Variants in NCAPD3 observed in about 807,000 individuals in gnomAD.
NCAPD3 encodes condensin-2 complex subunit D3.
Under a neutral mutation model 182.9 loss-of-function variants are expected in NCAPD3, and 105 were observed. The ratio of observed to expected loss-of-function variants is 0.57; its 90% CI spans 0.49 to 0.68. The LOEUF (loss-of-function observed/expected upper bound fraction) is 0.68. Ranked by LOEUF, NCAPD3 falls within the 30% of genes least tolerant of loss-of-function variation. The pLI is 0.00. For synonymous variants in NCAPD3, 815 were observed against 679.9 expected (o/e 1.20, Z -3.09); for missense variants, 1,944 against 1,837.0 (o/e 1.06, Z -1.07).
chr11:134,165,157 G>A (rs778922790), intron 27 of NCAPD3, among the ~76,000 whole-genome samples: 2 of 150,648 alleles, frequency 1.3e-5, no homozygotes, highest in Non-Finnish European at 3.0e-5. Flanking sequence ...TCACTTGTGA[G>A]ATGAGCTGAG....
intron 16 of NCAPD3, among the ~76,000 whole-genome samples, chr11:134,186,787 C>A (rs923541599): frequency 6.6e-6 from 1 of 152,024 alleles, no homozygotes; most frequent in Admixed American, 6.5e-5. Flanking sequence ...CATCTATATA[C>A]CATAATAAGC....
intron 4 of NCAPD3, among the ~76,000 whole-genome samples, chr11:134,209,940 C>T (rs1937767523): frequency 6.6e-6 from 1 of 152,138 alleles, no homozygotes; most frequent in Admixed American, 6.5e-5. Flanking sequence ...CCTGTAGCCC[C>T]AGCTACTCGG....
rs538085038 is a variant in NCAPD3 at position 134,176,245 on chromosome 11, A to C, written c.3101+62T>G. On this transcript the variant is annotated intron_variant, in intron 24 of 34. Transcript: ENST00000534548. ...CTAAACCAATCTGAAAAAAAAAGAA[A>C]TCCAGCATACATCAGAAATGAGGTA... 2.0e-6 allele frequency: 3 copies of C among 1,474,912 alleles called. No individual in the cohort carries two copies. In the African/African-American group the frequency reaches 4.2e-5, roughly 21 times the overall value. The allele number at this position is 1,474,912 out of a possible 1,614,324, so 91.4% of individuals were successfully genotyped here. A position where few individuals can be genotyped will look rare whatever the true frequency, so the allele number is the denominator to read the frequency against.
chr11:134,220,436 A>G, intron 2 of NCAPD3, 136 bp downstream of exon 2: 1 of 777,790 alleles, frequency 1.3e-6, no homozygotes, highest in Admixed American at 2.7e-5. Context: ...CAATAAATTA[A>G]CCACATTCTT....
chr11:134,153,058 G>C lies in NCAPD3; in HGVS notation c.4389-6C>G. The C allele has an allele frequency of 1.2e-6, 2 of 1,606,776 alleles. No individual in the cohort carries two copies. The highest frequency in any genetic ancestry group is 8.5e-7 in the Non-Finnish European group (1 of 1,174,568). ...ACTGCTGAGGCTGTGGGGGCCTAGG[G>C]AAAGGACATGTGCAGTCATTCTGGA... On this transcript the variant is annotated splice_polypyrimidine_tract_variant and splice_region_variant and intron_variant, in intron 34 of 34. Transcript: ENST00000534548.
At position 134,203,161 on chromosome 11, in the gene NCAPD3, G is replaced by T. The variant is rs772650940; in HGVS notation, c.1506C>A (p.Thr502=). Residue 502 remains threonine (T), a synonymous_variant, in exon 12 of 35, where the codon ACC becomes ACA. Coordinates refer to ENST00000534548, the MANE Select transcript of NCAPD3 (RefSeq NM_015261.3). ...TFSVIESHPG[T]LLRNSSAFSY... Reference sequence around the variant, plus strand: ...CATTACCTGATGAATTTCTCAGTAAGGTACCAGGGTGACTCTCTATTACAG... The same window carrying T: ...CATTACCTGATGAATTTCTCAGTAATGTACCAGGGTGACTCTCTATTACAG... 1 of 1,596,426 alleles carries T rather than the reference G, an allele frequency of 6.3e-7. No individual in the cohort carries two copies. Among genetic ancestry groups the T allele is most frequent in the South Asian group, 1.1e-5 (1 of 90,376 alleles).
intron 13 of NCAPD3, among the ~76,000 whole-genome samples, chr11:134,199,788 G>C (rs1944710456): frequency 6.6e-6 from 1 of 152,202 alleles, no homozygotes; most frequent in Non-Finnish European, 1.5e-5. Flanking sequence ...TCCCGAGGAA[G>C]AACTCATGAG....
chr11:134,213,230 A>G (rs1012167554), intron 3 of NCAPD3, among the ~76,000 whole-genome samples: 2 of 152,156 alleles, frequency 1.3e-5, no homozygotes, highest in African/African-American at 4.8e-5. Context: ...AGTTCCAGCT[A>G]TTCTGGAGGC....
At chr11:134,213,051 G>T (rs748568121) in intron 3 of NCAPD3, among the ~76,000 whole-genome samples, 3 of 152,182 alleles carry the variant, frequency 2.0e-5, no homozygotes, top group Non-Finnish European at 4.4e-5. Context: ...AAATGGGCTG[G>T]GTGTGAGGGC....
At chr11:134,213,638 A>G (rs1937920309) in intron 3 of NCAPD3, among the ~76,000 whole-genome samples, 1 of 151,884 alleles carries the variant, frequency 6.6e-6, no homozygotes, top group Admixed American at 6.6e-5. Flanking sequence ...TAAAAAAAAA[A>G]AAAAGAAAAA....
chr11:134,182,066 A>C (rs1179958701), intron 19 of NCAPD3, among the ~76,000 whole-genome samples: 1 of 152,194 alleles, frequency 6.6e-6, no homozygotes, highest in Non-Finnish European at 1.5e-5. Flanking sequence ...AAATTTTAAT[A>C]GATTGCACAA....
At position 134,178,867 on chromosome 11, in the gene NCAPD3, G is replaced by A. The variant is rs144174471; in HGVS notation, c.2629C>T (p.Leu877Phe). 7 of 1,614,026 alleles carry A rather than the reference G, an allele frequency of 4.3e-6. No homozygotes were observed. In the African/African-American group the frequency reaches 6.7e-5, roughly 15 times the overall value. The change falls in exon 21 of 35, where the codon CTT becomes TTT. Residue 877 changes from leucine to phenylalanine, a missense_variant. By Grantham distance (22) the Leu-to-Phe change is conservative (BLOSUM62 0). Around this residue, in one of 3 missense-constraint regions of NCAPD3, gnomAD observed 1,803 missense variants for 1,674.6 expected, o/e 1.08. Coordinates refer to ENST00000534548, the MANE Select transcript of NCAPD3 (RefSeq NM_015261.3). ...CPARVEKRIF[L>F]LIQSVLASSA... ...GAAGCCAGGACGGACTGAATCAGAA[G>A]GAAGATGCGCTTCTCCACCCTGGCT...
chr11:134,192,859 G>GACC lies in NCAPD3; in HGVS notation c.1872_1874dup (p.Val625dup). ...TGCTCTCGCAGTCCATCACCACCGGGACCACCCCCCGCAACCAGGCTTTCT... is the reference window on the plus strand; with the variant it reads ...TGCTCTCGCAGTCCATCACCACCGGGACCACCACCCCCCGCAACCAGGCTTTCT... On this transcript the variant is annotated inframe_insertion, in exon 16 of 35. Coordinates refer to ENST00000534548, the MANE Select transcript of NCAPD3 (RefSeq NM_015261.3). 2 of 1,614,002 alleles carry GACC rather than the reference G, an allele frequency of 1.2e-6. No individual in the cohort carries two copies. The highest frequency in any genetic ancestry group is 1.7e-6 in the Non-Finnish European group (2 of 1,179,920).
chr11:134,167,889 ACT>A (rs1943902077), intron 27 of NCAPD3, 105 bp downstream of exon 27: 3 of 1,030,578 alleles, frequency 2.9e-6, no homozygotes, highest in African/African-American at 3.3e-5. Context: ...GGAGGTGCAC[ACT>A]CACTTGTGAG....
chr11:134,167,466 ACT>A (rs1335108925), intron 27 of NCAPD3, among the ~76,000 whole-genome samples: 7 of 120,968 alleles, frequency 5.8e-5, no homozygotes, highest in African/African-American at 2.2e-4. Flanking sequence ...GGAGGCGCAC[ACT>A]CACTTGTGAG....
intron 20 of NCAPD3, among the ~76,000 whole-genome samples, chr11:134,180,673 G>C (rs1343342893): frequency 1.3e-5 from 2 of 152,158 alleles, no homozygotes; most frequent in Non-Finnish European, 2.9e-5. Flanking sequence ...CAGTTCTACT[G>C]TCTGATGTTC....
chr11:134,203,915 G>A lies in NCAPD3; in HGVS notation c.1216-9C>T, dbSNP rs1565551507. The A allele has an allele frequency of 6.2e-7, 1 of 1,611,506 alleles. No individual in the cohort carries two copies. The highest frequency in any genetic ancestry group is 8.5e-7 in the Non-Finnish European group (1 of 1,178,194). ...AAAACCCGGTGTGGGATCTGGTAAA[G>A]CAAGATCATAAGAATTGCCATCAGA... is the stretch of plus-strand genomic sequence containing the variant. On this transcript the variant is annotated splice_polypyrimidine_tract_variant and intron_variant, in intron 10 of 34. Transcript: ENST00000534548.
chr11:134,168,310 G>A (rs1943919044), intron 26 of NCAPD3, 115 bp from the exon 27 acceptor site: 1 of 1,446,402 alleles, frequency 6.9e-7, no homozygotes, highest in East Asian at 2.3e-5. Context: ...GTCTGCAAGG[G>A]TGTTTTGTCT....
intron 23 of NCAPD3, 79 bp downstream of exon 23, chr11:134,177,140 T>C (rs1944187906): frequency 1.8e-6 from 2 of 1,129,864 alleles, no homozygotes; most frequent in Admixed American, 1.8e-5. Context: ...AGCAAGCACA[T>C]TTCCTATGCT....
Sources: gnomAD v4.1 joint callset for allele counts (sites outside exome capture counted in the v4.1 genomes callset) on GRCh38, gnomAD v4.1.1 for gene constraint, gnomAD v4.1.1 regional missense constraint, MANE v1.5 for transcripts, NCBI Gene and HGNC (gene_info 2026-07-23, HGNC 2026-07-21) for gene names.